The following SAMD5 variants were observed in gnomAD, a reference collection of about 807,000 sequenced individuals.
SAMD5 encodes the protein sterile alpha motif domain-containing protein 5.
A neutral mutation model predicts 11.3 loss-of-function variants in SAMD5; 13 were observed. The ratio of observed to expected loss-of-function variants is 1.15; its 90% CI spans 0.75 to 1.83. The LOEUF is 1.83. Among genes scored for constraint, SAMD5 ranks in the 40% most tolerant of loss-of-function variants. The pLI is 0.00. For synonymous variants in SAMD5, 129 were observed against 111.3 expected (o/e 1.16, Z -1.00); for missense variants, 255 against 239.1 (o/e 1.07, Z -0.44).
chr6:147,683,090 A>C (rs1432084995), intron 1 of SAMD5, among the ~76,000 whole-genome samples: 1 of 152,146 alleles, frequency 6.6e-6, no homozygotes. Flanking sequence ...CATATCCCCA[A>C]CTCTGCCTCA....
At chr6:147,533,458 A>G (rs917875401) in intron 1 of SAMD5, among the ~76,000 whole-genome samples, 3 of 124,870 alleles carry the variant, frequency 2.4e-5, no homozygotes, top group African/African-American at 6.2e-5. Context: ...GCGAAATTCC[A>G]TCTCAAAAAA....
the SAMD5 span, among the ~76,000 whole-genome samples, chr6:147,865,313 AGTGTGTGTGTGTGTGTGTGTGT>A: frequency 0.2 from 29,701 of 147,120 alleles, 3,675 homozygotes; most frequent in African/African-American, 0.35. Flanking sequence ...TAGGTATATA[AGTGTGTGTGTGTGTGTGTGTGT>A]GTGTGTGTGT....
At chr6:147,598,444 A>G (rs1340479528) in intron 1 of SAMD5, among the ~76,000 whole-genome samples, 3 of 152,168 alleles carry the variant, frequency 2.0e-5, no homozygotes, top group African/African-American at 7.2e-5. Context: ...AAAATGAAAA[A>G]GCATGGTTCT....
the SAMD5 span, among the ~76,000 whole-genome samples, chr6:147,837,045 CATG>C: frequency 1.3e-5 from 2 of 152,160 alleles, no homozygotes; most frequent in African/African-American, 4.8e-5. Flanking sequence ...TGCCGGTAGA[CATG>C]ATGAGAATTT....
chr6:147,768,036 A>G, the SAMD5 span, among the ~76,000 whole-genome samples: 22 of 152,320 alleles, frequency 1.4e-4, no homozygotes, highest in African/African-American at 5.3e-4. Flanking sequence ...GATTTTAGCT[A>G]TGTGCACCCA....
chr6:147,858,729 A>G, the SAMD5 span, among the ~76,000 whole-genome samples: 3 of 152,210 alleles, frequency 2.0e-5, no homozygotes, highest in Non-Finnish European at 4.4e-5. Context: ...TACTCGTTCC[A>G]TCTTGTAAAT....
intron 1 of SAMD5, among the ~76,000 whole-genome samples, chr6:147,682,362 C>T (rs749619722): frequency 4.6e-5 from 7 of 152,154 alleles, no homozygotes; most frequent in Non-Finnish European, 8.8e-5. Flanking sequence ...TGTATCTTGA[C>T]CAGAATTGGA....
the SAMD5 span, among the ~76,000 whole-genome samples, chr6:147,925,411 C>T: frequency 3.9e-4 from 60 of 152,258 alleles, 3 homozygotes; most frequent in South Asian, 0.012. Flanking sequence ...CATTCTGTTA[C>T]AGCAGCTCAA....
At chr6:147,910,942 G>A in the SAMD5 span, among the ~76,000 whole-genome samples, 8 of 152,210 alleles carry the variant, frequency 5.3e-5, no homozygotes, top group East Asian at 1.9e-4. Context: ...AATTGTTGAC[G>A]CTAGTCACAT....
the SAMD5 span, among the ~76,000 whole-genome samples, chr6:147,789,052 C>G: frequency 6.6e-6 from 1 of 151,190 alleles, no homozygotes; most frequent in Non-Finnish European, 1.5e-5. Context: ...CCACTGCACT[C>G]CAGCCTGGGT....
At chr6:147,583,743 C>T (rs539843425) in intron 1 of SAMD5, among the ~76,000 whole-genome samples, 4 of 151,454 alleles carry the variant, frequency 2.6e-5, no homozygotes, top group Non-Finnish European at 4.4e-5. Flanking sequence ...AAATGAACAG[C>T]GGGAGAAATT....
At chr6:147,570,553 A>G (rs1789121739), downstream of SAMD5, among the ~76,000 whole-genome samples, 3 of 152,164 alleles carry the variant, frequency 2.0e-5, no homozygotes, top group African/African-American at 7.2e-5. Flanking sequence ...TGCATGCTTA[A>G]CACAGTCACC....
At chr6:147,636,855 T>C (rs1200552866) in intron 1 of SAMD5, among the ~76,000 whole-genome samples, 1 of 152,236 alleles carries the variant, frequency 6.6e-6, no homozygotes, top group Non-Finnish European at 1.5e-5. Flanking sequence ...ACTATTGTAT[T>C]ATGGTCCACA....
At position 147,565,360 on chromosome 6, in the gene SAMD5, C is replaced by T. The variant is rs556687899; in HGVS notation, c.*904C>T. 7 of 985,474 alleles carry T rather than the reference C, an allele frequency of 7.1e-6. No homozygotes were observed. The Admixed American group carries it at 1.8e-4, about 26-fold the overall frequency. 61.0% of individuals were successfully genotyped at this position (985,474 alleles called of 1,614,324 possible). A position where few individuals can be genotyped will look rare whatever the true frequency, so the allele number is the denominator to read the frequency against. On this transcript the variant is annotated 3_prime_UTR_variant, in exon 2 of 2. Transcript: ENST00000367474. ...TGGCCTGAGGAGCCCTGTAGAACTACGGCTGAAAAAGAAAGTAGATTGAGG... is the reference window on the plus strand; with the variant it reads ...TGGCCTGAGGAGCCCTGTAGAACTATGGCTGAAAAAGAAAGTAGATTGAGG...
chr6:147,784,062 T>C, the SAMD5 span, among the ~76,000 whole-genome samples: 7 of 152,188 alleles, frequency 4.6e-5, no homozygotes, highest in African/African-American at 9.7e-5. Context: ...TCTATCCTAC[T>C]GCTTTCATTT....
the SAMD5 span, among the ~76,000 whole-genome samples, chr6:147,900,026 T>A: frequency 6.6e-6 from 1 of 152,166 alleles, no homozygotes; most frequent in Admixed American, 6.5e-5. Context: ...CAAATGTGAA[T>A]CTATCTGGTA....
At chr6:147,541,099 A>G (rs1788596726) in intron 1 of SAMD5, among the ~76,000 whole-genome samples, 1 of 151,854 alleles carries the variant, frequency 6.6e-6, no homozygotes, top group African/African-American at 2.4e-5. Context: ...ACAGGTGTCC[A>G]CCACCACGCC....
chr6:147,697,123 C>A (rs543670853), intron 1 of SAMD5, among the ~76,000 whole-genome samples: 4 of 152,080 alleles, frequency 2.6e-5, no homozygotes, highest in African/African-American at 4.8e-5. Context: ...GTATTGTTAC[C>A]GAAACACCAG....
At chr6:147,808,902 C>T in the SAMD5 span, among the ~76,000 whole-genome samples, 21 of 152,020 alleles carry the variant, frequency 1.4e-4, no homozygotes, top group Non-Finnish European at 2.6e-4. Context: ...AACTAAAGCC[C>T]AATTTCCTCA....
Sources: allele counts gnomAD v4.1 joint callset (sites outside exome capture counted in the v4.1 genomes callset), GRCh38; gene constraint gnomAD v4.1.1; transcripts MANE v1.5; gene names NCBI Gene and HGNC (gene_info 2026-07-23, HGNC 2026-07-21).